GREM1: variants seen among roughly 807,000 people sequenced by gnomAD.
GREM1 encodes the protein gremlin-1.
In GREM1, 6 loss-of-function variants were observed where a neutral mutation model predicts 13.1. The ratio of observed to expected loss-of-function variants is 0.46; its 90% CI spans 0.25 to 0.91. The LOEUF (loss-of-function observed/expected upper bound fraction) is 0.91. GREM1 is among the 40% of genes least tolerant of loss of function. The pLI is 0.18. For missense variants in GREM1, 185 were observed against 233.9 expected, an observed-to-expected ratio of 0.79 and a Z score of 1.36; for synonymous variants, 98 against 93.7, an observed-to-expected ratio of 1.05 and a Z score of -0.27.
At position 32,734,242 on chromosome 15, in the gene GREM1, G is replaced by T. The variant is rs193242794; in HGVS notation, c.*2997G>T. On this transcript the variant is annotated 3_prime_UTR_variant, in exon 2 of 2. Transcript: ENST00000651154. ...ACATTTCTAAAGCAATATTAAGAAA[G>T]ACTTTAAATGTTATTTTGGAAGACT... The T allele has an allele frequency of 2.2e-3, 542 of 242,686 alleles. No individual in the cohort carries two copies. The highest frequency in any genetic ancestry group is 0.013 in the Middle Eastern group (10 of 764). The allele number at this position is 242,686 out of a possible 1,614,324, so 15.0% of individuals were successfully genotyped here.
At position 32,738,083 on chromosome 15, in the gene GREM1, C is replaced by CAAAAAAAAAAAAAAAAAAAAAAAAA. The variant is rs67118209; in HGVS notation, c.*6864_*6888dup. ...GGAGGTTCTACCTAGGGTAATTAGG[C>CAAAAAAAAAAAAAAAAAAAAAAAAA]AAAAAAAAAAAAAAAAAAAAAAAAA... On this transcript the variant is annotated 3_prime_UTR_variant, in exon 2 of 2. Transcript: ENST00000651154. 1.6e-4 allele frequency: 3 copies of CAAAAAAAAAAAAAAAAAAAAAAAAA among 18,926 alleles called. No individual in the cohort carries two copies. Among genetic ancestry groups the CAAAAAAAAAAAAAAAAAAAAAAAAA allele is most frequent in the African/African-American group, 6.9e-4 (3 of 4,376 alleles). 1.2% of individuals were successfully genotyped at this position (18,926 alleles called of 1,614,324 possible).
Position 32,730,966 on chromosome 15 carries a change from C to T in GREM1, c.276C>T (p.Asp92=). The change falls in exon 2 of 2, where the codon GAC becomes GAT. Residue 92 remains aspartate (D), a synonymous_variant. Transcript: ENST00000651154. ...HVTERKYLKR[D]WCKTQPLKQT... ...CGGAGCGCAAATACCTGAAGCGAGA[C>T]TGGTGCAAAACCCAGCCGCTTAAGC... 6.2e-7 allele frequency: 1 copy of T among 1,614,166 alleles called. No homozygotes were observed. Among genetic ancestry groups the T allele is most frequent in the East Asian group, 2.2e-5 (1 of 44,882 alleles).
rs8040882 is a variant in GREM1, at chr15:32,729,246, G to A, written c.-1-1444G>A. ...TCACCGTGTTAGCCAGGATGGTCTCGATCTCCTGACCTCGTGATCCGCCGC... is the reference window on the plus strand; with the variant it reads ...TCACCGTGTTAGCCAGGATGGTCTCAATCTCCTGACCTCGTGATCCGCCGC... On this transcript the variant is annotated intron_variant, in intron 1 of 1. Transcript: ENST00000651154. 5.9e-5 allele frequency among the ~76,000 whole-genome samples: 9 copies of A among 151,928 alleles called. No individual in the cohort carries two copies. The South Asian group carries it at 1.3e-3, about 21-fold the overall frequency.
Position 32,738,935 on chromosome 15 carries a change from T to A in GREM1, c.*7690T>A, listed in dbSNP as rs2055737917. On this transcript the variant is annotated 3_prime_UTR_variant, in exon 2 of 2. Transcript: ENST00000651154. The stretch of plus-strand genomic sequence containing the variant: ...CTGCACTCCAGCCTACATGACAGAG[T>A]AAGTCTCTGTCTCAAAAACAAAACA... 1 of 152,030 alleles carries A rather than the reference T, an allele frequency of 6.6e-6. No homozygotes were observed. The highest frequency in any genetic ancestry group is 1.5e-5 in the Non-Finnish European group (1 of 67,998). The allele number at this position is 152,030 out of a possible 1,614,324, so 9.4% of individuals were successfully genotyped here.
intron 1 of GREM1, among the ~76,000 whole-genome samples, chr15:32,723,381 T>C (rs2055443931): frequency 6.6e-6 from 1 of 152,198 alleles, no homozygotes; most frequent in Admixed American, 6.5e-5. Context: ...GTTCTTACCC[T>C]GCTTACTGTC....
chr15:32,724,626 T>C (rs891535587), intron 1 of GREM1, among the ~76,000 whole-genome samples: 2 of 149,482 alleles, frequency 1.3e-5, no homozygotes, highest in African/African-American at 4.9e-5. Flanking sequence ...TTCTCATAAG[T>C]GCTTTTTTTT....
rs537521065 is a variant in GREM1, at chr15:32,739,286, C to A, written c.*8041C>A. 53 of 152,284 alleles carry A rather than the reference C, an allele frequency of 3.5e-4. No individual in the cohort carries two copies. The highest frequency in any genetic ancestry group is 1.3e-3 in the African/African-American group (52 of 41,562). The allele number at this position is 152,284 out of a possible 1,614,324, so 9.4% of individuals were successfully genotyped here. On this transcript the variant is annotated 3_prime_UTR_variant, in exon 2 of 2. Coordinates refer to ENST00000651154, the MANE Select transcript of GREM1 (RefSeq NM_013372.7). ...CCTTATACCCCACCTCAATTTTAAT[C>A]TTTTTCTGTACCACTACAGTTATAA... is the stretch of plus-strand genomic sequence containing the variant.
rs2055744712 is a variant in GREM1, at chr15:32,739,659, T to A, written c.*8414T>A. 1 of 152,234 alleles carries A rather than the reference T, an allele frequency of 6.6e-6. No individual in the cohort carries two copies. Among genetic ancestry groups the A allele is most frequent in the Non-Finnish European group, 1.5e-5 (1 of 68,042 alleles). The allele number at this position is 152,234 out of a possible 1,614,324, so 9.4% of individuals were successfully genotyped here. ...CATCTATTCTGCAAAAATTCATGGC[T>A]AAATTCCTTTGTGAGGAATCCAGAA... On this transcript the variant is annotated 3_prime_UTR_variant, in exon 2 of 2. Transcript: ENST00000651154.
rs1383440698 is a variant in GREM1, at chr15:32,742,893, A to T, written c.*11648A>T. ...TCAAAATGGATTATTTAAATGTAAGACTTGAAACAGTAAAACTCCTAGAAG... is the reference window on the plus strand; with the variant it reads ...TCAAAATGGATTATTTAAATGTAAGTCTTGAAACAGTAAAACTCCTAGAAG... On this transcript the variant is annotated 3_prime_UTR_variant, in exon 2 of 2. Coordinates refer to ENST00000651154, the MANE Select transcript of GREM1 (RefSeq NM_013372.7). 1 of 152,220 alleles carries T rather than the reference A, an allele frequency of 6.6e-6. No homozygotes were observed. The highest frequency in any genetic ancestry group is 1.5e-5 in the Non-Finnish European group (1 of 68,014). The allele number at this position is 152,220 out of a possible 1,614,324, so 9.4% of individuals were successfully genotyped here.
intron 1 of GREM1, among the ~76,000 whole-genome samples, chr15:32,723,006 T>C (rs564639847): frequency 2.2e-4 from 34 of 152,318 alleles, no homozygotes; most frequent in Admixed American, 5.2e-4. Context: ...TTTAATTTAG[T>C]GATATGAGTA....
Position 32,731,383 on chromosome 15 carries a change from TG to T in GREM1, c.*139del. ...CTGCCTCCTGGCAGGAGCCTGCTTG[TG>T]CGTAGTTCGTGTGCATGAGTGTGGA... On this transcript the variant is annotated 3_prime_UTR_variant, in exon 2 of 2. Coordinates refer to ENST00000651154, the MANE Select transcript of GREM1 (RefSeq NM_013372.7). 1 of 669,510 alleles carries T rather than the reference TG, an allele frequency of 1.5e-6. No individual in the cohort carries two copies. The highest frequency in any genetic ancestry group is 2.6e-6 in the Non-Finnish European group (1 of 384,576). The allele number at this position is 669,510 out of a possible 1,614,324, so 41.5% of individuals were successfully genotyped here.
chr15:32,724,137 C>G (rs1440642266), intron 1 of GREM1, among the ~76,000 whole-genome samples: 1 of 152,208 alleles, frequency 6.6e-6, no homozygotes, highest in Non-Finnish European at 1.5e-5. Flanking sequence ...TAGATATTTA[C>G]TCAATAACAG....
chr15:32,734,347 A>G lies in GREM1; in HGVS notation c.*3102A>G, dbSNP rs1309797905. 4.1e-6 allele frequency: 1 copy of G among 246,290 alleles called. No homozygotes were observed. The highest frequency in any genetic ancestry group is 6.1e-5 in the East Asian group (1 of 16,272). The allele number at this position is 246,290 out of a possible 1,614,324, so 15.3% of individuals were successfully genotyped here. ...AGTCCTTTTAAGGAGAAAATCTAAAATGAAAAGTGGATAAACAGAACATTT... is the reference window on the plus strand; with the variant it reads ...AGTCCTTTTAAGGAGAAAATCTAAAGTGAAAAGTGGATAAACAGAACATTT... On this transcript the variant is annotated 3_prime_UTR_variant, in exon 2 of 2. Coordinates refer to ENST00000651154, the MANE Select transcript of GREM1 (RefSeq NM_013372.7).
rs73376942 is a variant in GREM1, at chr15:32,732,144, G to A, written c.*899G>A. 9.8e-3 allele frequency: 2,378 copies of A among 243,194 alleles called. 67 individuals are homozygous for A. Among genetic ancestry groups the A allele is most frequent in the African/African-American group, 0.05 (2,255 of 45,190 alleles). The allele number at this position is 243,194 out of a possible 1,614,324, so 15.1% of individuals were successfully genotyped here. Reference sequence around the variant, plus strand: ...ATAAATACTGACCACTCCTATGTTCGGACCCAAGCAAGTTAGCTAAACCAA... The same window carrying A: ...ATAAATACTGACCACTCCTATGTTCAGACCCAAGCAAGTTAGCTAAACCAA... On this transcript the variant is annotated 3_prime_UTR_variant, in exon 2 of 2. Coordinates refer to ENST00000651154, the MANE Select transcript of GREM1 (RefSeq NM_013372.7).
rs2055640373 is a variant in GREM1, at chr15:32,732,598, GCTCA to G, written c.*1356_*1359del. Reference sequence around the variant, plus strand: ...GGATATGACCTCCCTTTCTTTATGTGCTCACTGAGGATCTGAGGGGACCCTGTTA... The same window carrying G: ...GGATATGACCTCCCTTTCTTTATGTGCTGAGGATCTGAGGGGACCCTGTTA... On this transcript the variant is annotated 3_prime_UTR_variant, in exon 2 of 2. Transcript: ENST00000651154. 1 of 245,216 alleles carries G rather than the reference GCTCA, an allele frequency of 4.1e-6. No individual in the cohort carries two copies. Among genetic ancestry groups the G allele is most frequent in the Admixed American group, 5.7e-5 (1 of 17,698 alleles). 15.2% of individuals were successfully genotyped at this position (245,216 alleles called of 1,614,324 possible).
chr15:32,718,662 A>C (rs1403837619), intron 1 of GREM1: 2 of 361,186 alleles, frequency 5.5e-6, no homozygotes, highest in African/African-American at 4.3e-5. Flanking sequence ...GGGTTGGAGC[A>C]TCCGGAGAAT....
At chr15:32,719,621 G>T (rs1262136066) in intron 1 of GREM1, among the ~76,000 whole-genome samples, 1 of 152,152 alleles carries the variant, frequency 6.6e-6, no homozygotes, top group Non-Finnish European at 1.5e-5. Flanking sequence ...AAATCTGAGC[G>T]GTGTGCGCGT....
chr15:32,730,521 G>A (rs547869728), intron 1 of GREM1, among the ~76,000 whole-genome samples, 169 bp from the exon 2 acceptor site: 66 of 152,260 alleles, frequency 4.3e-4, no homozygotes, highest in African/African-American at 1.6e-3. Flanking sequence ...TGATGGCTGG[G>A]TCATGGAGAT....
chr15:32,730,273 T>C (rs928972454), intron 1 of GREM1, among the ~76,000 whole-genome samples: 9 of 152,234 alleles, frequency 5.9e-5, no homozygotes, highest in African/African-American at 2.2e-4. Context: ...GAGAAAAGAC[T>C]GGGAGGTTTC....
Sources: gnomAD v4.1 joint callset for allele counts (sites outside exome capture counted in the v4.1 genomes callset) on GRCh38, gnomAD v4.1.1 for gene constraint, MANE v1.5 for transcripts, NCBI Gene and HGNC (gene_info 2026-07-23, HGNC 2026-07-21) for gene names.